Variants in SRI observed in about 807,000 individuals in gnomAD.
SRI encodes sorcin, also known as 22 kDa protein.
In SRI, 30 loss-of-function variants were observed where a neutral mutation model predicts 33.3. That is an observed-to-expected ratio of 0.90 (90% CI 0.67 to 1.22). The LOEUF is 1.22. SRI is among the 50% of genes most tolerant of loss of function. SRI has a pLI of 0.00. For synonymous variants in SRI, 75 were observed against 89.9 expected, an observed-to-expected ratio of 0.83 and a Z score of 0.94; for missense variants, 243 against 250.8, an observed-to-expected ratio of 0.97 and a Z score of 0.21.
chr7:88,224,515 T>G (rs369643802), upstream of SRI, among the ~76,000 whole-genome samples: 36 of 152,320 alleles, frequency 2.4e-4, no homozygotes, highest in East Asian at 1.3e-3. Context: ...GACCTCTGCC[T>G]TAGAGAGAAG....
intron 3 of SRI, among the ~76,000 whole-genome samples, chr7:88,211,263 T>G (rs1188901391): frequency 6.6e-6 from 1 of 152,216 alleles, no homozygotes; most frequent in Non-Finnish European, 1.5e-5. Flanking sequence ...GAGACCAGCC[T>G]GGCCAACATG....
upstream of SRI, among the ~76,000 whole-genome samples, chr7:88,222,737 G>C (rs1372430124): frequency 2.0e-5 from 3 of 152,134 alleles, no homozygotes; most frequent in African/African-American, 4.8e-5. Context: ...CTGACAAAAA[G>C]AAGAAATGGG....
chr7:88,213,743 G>T (rs1205857945), intron 3 of SRI, among the ~76,000 whole-genome samples: 1 of 152,212 alleles, frequency 6.6e-6, no homozygotes, highest in Non-Finnish European at 1.5e-5. Flanking sequence ...AAGCTGTAGA[G>T]CCCTGCACTT....
intron 6 of SRI, chr7:88,208,848 A>G: frequency 4.8e-6 from 2 of 419,794 alleles, no homozygotes; most frequent in Admixed American, 3.6e-5. Flanking sequence ...AAGCTGTGCA[A>G]CTTCCATGGC....
At chr7:88,218,691 T>C (rs1441896919) in intron 2 of SRI, 168 bp downstream of exon 2, 2 of 609,056 alleles carry the variant, frequency 3.3e-6, no homozygotes, top group Non-Finnish European at 5.8e-6. Context: ...CCTCATTTAT[T>C]CTGAACATTC....
At chr7:88,207,639 T>C (rs1254661281) in intron 7 of SRI, 2 of 152,254 alleles carry the variant, frequency 1.3e-5, no homozygotes, top group African/African-American at 2.4e-5. Flanking sequence ...ATGTTCACAC[T>C]GATTACATGG....
chr7:88,224,245 C>T (rs542355534), upstream of SRI, among the ~76,000 whole-genome samples: 2 of 152,322 alleles, frequency 1.3e-5, no homozygotes, highest in South Asian at 2.1e-4. Flanking sequence ...TCAAGACAAA[C>T]GGCAGTGTGG....
upstream of SRI, among the ~76,000 whole-genome samples, chr7:88,221,964 T>G (rs1851898321): frequency 6.7e-6 from 1 of 148,680 alleles, no homozygotes; most frequent in South Asian, 2.2e-4. Flanking sequence ...TTGCGATAGT[T>G]TACTGAGAAT....
chr7:88,218,027 T>TA (rs1851776903), intron 2 of SRI, among the ~76,000 whole-genome samples: 1 of 152,262 alleles, frequency 6.6e-6, no homozygotes, highest in Admixed American at 6.5e-5. Context: ...TTAGGTTTTT[T>TA]ATCCCATAAT....
chr7:88,215,636 G>T (rs4141355), intron 3 of SRI, among the ~76,000 whole-genome samples: 37,918 of 151,968 alleles, frequency 0.25, 6,203 homozygotes, highest in East Asian at 0.8. Flanking sequence ...CTCTAATTAG[G>T]AAAGAGTAAT....
rs1851803595 is a variant in SRI at position 88,218,887 on chromosome 7, T to C, written c.107A>G (p.Tyr36Cys). 4.3e-6 allele frequency: 7 copies of C among 1,614,066 alleles called. No individual in the cohort carries two copies. The highest frequency in any genetic ancestry group is 4.2e-6 in the Non-Finnish European group (5 of 1,179,984). Residue 36 changes from tyrosine to cysteine, a missense_variant, in exon 2 of 8, where the codon TAT (tyrosine) becomes TGT (cysteine). Tyr to Cys is a radical substitution (Grantham distance 194, BLOSUM62 -2). Coordinates refer to ENST00000265729, the MANE Select transcript of SRI (RefSeq NM_003130.4). The stretch of plus-strand genomic sequence containing the variant: ...TCCAGCTACAGCAGCAAAGTAACCA[T>C]ACAGCGGATCCTGAGTTTGTCCGGG... ...AFPGQTQDPL[Y>C]GYFAAVAGQD...
At chr7:88,226,949 T>C in exon 1 of SRI, 2 of 1,613,532 alleles carry the variant, frequency 1.2e-6, no homozygotes, top group Non-Finnish European at 1.7e-6. Flanking sequence ...AAGCTGGTGA[T>C]CCTTAGAGGA....
At chr7:88,226,844 T>C in intron 1 of SRI, 1 of 1,529,520 alleles carries the variant, frequency 6.5e-7, no homozygotes, top group South Asian at 1.2e-5. Flanking sequence ...TATTCCTGAT[T>C]AGTAGAATTA....
At chr7:88,210,287 G>C (rs1434808297) in intron 4 of SRI, 157 bp from the exon 5 acceptor site, 1 of 897,898 alleles carries the variant, frequency 1.1e-6, no homozygotes, top group African/African-American at 1.7e-5. Flanking sequence ...AAATAGAAAG[G>C]GGCTATGGAG....
intron 1 of SRI, among the ~76,000 whole-genome samples, chr7:88,226,260 T>C (rs1296110315): frequency 6.6e-6 from 1 of 152,188 alleles, no homozygotes; most frequent in Non-Finnish European, 1.5e-5. Context: ...GAAAGTTCTT[T>C]AAAGCCTTCA....
intron 3 of SRI, among the ~76,000 whole-genome samples, chr7:88,214,011 G>A (rs1851646228): frequency 6.6e-6 from 1 of 152,150 alleles, no homozygotes; most frequent in Non-Finnish European, 1.5e-5. Flanking sequence ...CGTCCTAGCT[G>A]ACAGTCTAAG....
chr7:88,215,316 A>T (rs900841636), intron 3 of SRI, among the ~76,000 whole-genome samples: 1 of 152,216 alleles, frequency 6.6e-6, no homozygotes, highest in Non-Finnish European at 1.5e-5. Flanking sequence ...GGCTTTCTCA[A>T]TGAAATTTTA....
chr7:88,219,364 AG>A (rs1851822062), intron 1 of SRI: 1 of 252,594 alleles, frequency 4.0e-6, no homozygotes, highest in East Asian at 1.0e-4. Flanking sequence ...GGTGTAGCCT[AG>A]GGAAGAGTAA....
At chr7:88,226,835 A>G in intron 1 of SRI, 1 of 1,507,952 alleles carries the variant, frequency 6.6e-7, no homozygotes, top group Non-Finnish European at 9.1e-7. Context: ...GAACTTTCTT[A>G]TTCCTGATTA....
Sources: allele counts gnomAD v4.1 joint callset (sites outside exome capture counted in the v4.1 genomes callset), GRCh38; gene constraint gnomAD v4.1.1; transcripts MANE v1.5; gene names NCBI Gene and HGNC (gene_info 2026-07-23, HGNC 2026-07-21).